QNG1: variants seen among roughly 807,000 people sequenced by gnomAD.
The protein encoded by QNG1 is Q-nucleotide N-glycosylase 1, also known as queuosine 5'-phosphate N-glycosylase/hydrolase.
the QNG1 span, chr9:83,956,244 T>G: frequency 1.1e-5 from 17 of 1,613,954 alleles, no homozygotes; most frequent in African/African-American, 1.3e-5. Context: ...CACCACACAC[T>G]TGTGCTCGTC....
chr9:83,956,348 G>T, the QNG1 span: 2 of 1,612,322 alleles, frequency 1.2e-6, no homozygotes, highest in Non-Finnish European at 8.5e-7. Flanking sequence ...GCTCATGAAG[G>T]GCTTTCCACC....
At chr9:83,946,563 T>G in the QNG1 span, among the ~76,000 whole-genome samples, 9 of 152,232 alleles carry the variant, frequency 5.9e-5, 1 homozygote, top group South Asian at 1.9e-3. Context: ...AAAGACAAAT[T>G]TAACCAAGCA....
chr9:83,939,589 G>A, the QNG1 span: 1 of 1,614,028 alleles, frequency 6.2e-7, no homozygotes, highest in Non-Finnish European at 8.5e-7. Flanking sequence ...AGTCCCATAA[G>A]TAATAATCCA....
At chr9:83,943,617 G>A in the QNG1 span, among the ~76,000 whole-genome samples, 3 of 152,178 alleles carry the variant, frequency 2.0e-5, no homozygotes, top group African/African-American at 7.2e-5. Context: ...AAACCCAGTA[G>A]AGCCAACCAT....
At chr9:83,950,238 C>T in the QNG1 span, among the ~76,000 whole-genome samples, 22 of 151,600 alleles carry the variant, frequency 1.5e-4, no homozygotes, top group African/African-American at 4.6e-4. Context: ...TTAGTAGAGA[C>T]GGGGTTTCAC....
At chr9:83,956,271 G>A in the QNG1 span, 2 of 1,614,120 alleles carry the variant, frequency 1.2e-6, no homozygotes, top group South Asian at 1.1e-5. Context: ...CGACCAAAAG[G>A]AGAAGTTGAG....
the QNG1 span, among the ~76,000 whole-genome samples, chr9:83,946,643 T>C: frequency 6.6e-6 from 1 of 152,202 alleles, no homozygotes; most frequent in East Asian, 1.9e-4. Flanking sequence ...TCCCATCAAT[T>C]TGGGAGGCCA....
the QNG1 span, among the ~76,000 whole-genome samples, chr9:83,949,919 C>T: frequency 2.1e-4 from 32 of 150,954 alleles, no homozygotes; most frequent in Non-Finnish European, 4.3e-4. Context: ...CTGCTGTTTC[C>T]ATGGTAGCAG....
At chr9:83,943,289 G>A in the QNG1 span, among the ~76,000 whole-genome samples, 14 of 136,804 alleles carry the variant, frequency 1.0e-4, no homozygotes, top group Admixed American at 1.1e-3. Context: ...CTGGTGAGCC[G>A]AGATCACGCC....
chr9:83,955,618 C>T, the QNG1 span: 6 of 1,613,398 alleles, frequency 3.7e-6, no homozygotes, highest in Admixed American at 6.7e-5. Context: ...TCGCGTAGTA[C>T]GAGGCACTAG....
chr9:83,945,746 C>A, the QNG1 span, among the ~76,000 whole-genome samples: 2 of 151,730 alleles, frequency 1.3e-5, no homozygotes, highest in Non-Finnish European at 2.9e-5. Flanking sequence ...GGACTACGGG[C>A]GCCGTCACCA....
chr9:83,947,545 G>A, the QNG1 span, among the ~76,000 whole-genome samples: 1 of 152,174 alleles, frequency 6.6e-6, no homozygotes, highest in African/African-American at 2.4e-5. Flanking sequence ...CACTTTCCAG[G>A]GTCTCCCTCT....
the QNG1 span, among the ~76,000 whole-genome samples, chr9:83,949,475 C>T: frequency 6.6e-6 from 1 of 151,382 alleles, no homozygotes; most frequent in Admixed American, 6.6e-5. Flanking sequence ...GAAACCCCGT[C>T]TCTACTAAAA....
chr9:83,953,941 C>G, the QNG1 span: 1 of 825,836 alleles, frequency 1.2e-6, no homozygotes, highest in African/African-American at 1.7e-5. Flanking sequence ...CTCGTCTAGG[C>G]TGGAGTGCAG....
chr9:83,943,267 G>A, the QNG1 span, among the ~76,000 whole-genome samples: 233 of 149,154 alleles, frequency 1.6e-3, 1 homozygote, highest in Middle Eastern at 3.4e-3. Flanking sequence ...TTGAACCTGG[G>A]AGGCGGAGGT....
the QNG1 span, among the ~76,000 whole-genome samples, chr9:83,948,365 C>T: frequency 6.8e-6 from 1 of 146,780 alleles, no homozygotes; most frequent in Admixed American, 6.8e-5. Context: ...GGCAGCCGCC[C>T]CGTCCAGGAG....
chr9:83,946,073 G>A, the QNG1 span, among the ~76,000 whole-genome samples: 3 of 152,004 alleles, frequency 2.0e-5, no homozygotes, highest in Admixed American at 6.6e-5. Flanking sequence ...TTGGGAGACT[G>A]AGACAGGAGG....
chr9:83,938,688 A>G, the QNG1 span: 2 of 150,806 alleles, frequency 1.3e-5, no homozygotes, highest in East Asian at 3.9e-4. Context: ...AAAAAAAAAC[A>G]TAAGTCAAAA....
chr9:83,947,617 G>C, the QNG1 span, among the ~76,000 whole-genome samples: 1 of 152,196 alleles, frequency 6.6e-6, no homozygotes, highest in African/African-American at 2.4e-5. Flanking sequence ...CTCCCTGCCT[G>C]ATTCTCCTGC....
Sources: allele counts gnomAD v4.1 joint callset (sites outside exome capture counted in the v4.1 genomes callset), GRCh38; gene constraint gnomAD v4.1.1; transcripts MANE v1.5; gene names NCBI Gene and HGNC (gene_info 2026-07-23, HGNC 2026-07-21).